MAPK10: variants seen among roughly 807,000 people sequenced by gnomAD.
The protein encoded by MAPK10 is mitogen-activated protein kinase 10, also known as JNK3 alpha protein kinase.
In MAPK10, 25 loss-of-function variants were observed where a neutral mutation model predicts 59.3. That is an observed-to-expected ratio of 0.42 (90% CI 0.31 to 0.59). The LOEUF is 0.59. Ranked by LOEUF, MAPK10 falls within the 20% of genes least tolerant of loss-of-function variation. MAPK10 has a pLI of 0.15. For missense variants in MAPK10, 351 were observed against 568.9 expected (o/e 0.62, Z 3.90); for synonymous variants, 190 against 200.5 (o/e 0.95, Z 0.44).
chr4:86,153,872 C>T (rs1310174303), intron 4 of MAPK10, among the ~76,000 whole-genome samples: 1 of 152,064 alleles, frequency 6.6e-6, no homozygotes, highest in East Asian at 1.9e-4. Flanking sequence ...TTTTGAAGCT[C>T]AGTGTTCCTT....
At chr4:86,448,301 TTCTC>T (rs148248874) in intron 1 of MAPK10, among the ~76,000 whole-genome samples, 8,847 of 152,058 alleles carry the variant, frequency 0.058, 355 homozygotes, top group African/African-American at 0.09. Context: ...TCCCTAAATT[TTCTC>T]TCTATTTTTT....
intron 2 of MAPK10, among the ~76,000 whole-genome samples, chr4:86,227,969 G>A (rs1236758171): frequency 2.0e-5 from 3 of 152,214 alleles, no homozygotes; most frequent in Non-Finnish European, 4.4e-5. Flanking sequence ...TGCACACCAT[G>A]CAGGGCCATG....
intron 1 of MAPK10, among the ~76,000 whole-genome samples, chr4:86,589,433 G>C (rs981267257): frequency 6.6e-5 from 10 of 152,128 alleles, no homozygotes; most frequent in Non-Finnish European, 2.9e-5. Context: ...TGTAATCCCA[G>C]CACTTTCGGA....
intron 9 of MAPK10, among the ~76,000 whole-genome samples, 193 bp from the exon 10 acceptor site, chr4:86,068,148 CTT>C (rs1459161726): frequency 2.0e-5 from 3 of 152,128 alleles, no homozygotes; most frequent in Non-Finnish European, 2.9e-5. Flanking sequence ...ACTTTTGAAA[CTT>C]ATATACTTTT....
At chr4:86,284,058 C>T (rs923423160) in intron 2 of MAPK10, among the ~76,000 whole-genome samples, 2 of 152,120 alleles carry the variant, frequency 1.3e-5, no homozygotes, top group African/African-American at 4.8e-5. Context: ...GAATCCTCCT[C>T]CTTTCTCTTT....
chr4:86,570,954 T>G (rs987719247), intron 1 of MAPK10, among the ~76,000 whole-genome samples: 19 of 152,050 alleles, frequency 1.2e-4, no homozygotes, highest in African/African-American at 4.6e-4. Flanking sequence ...AACTCCTAAC[T>G]TTATATCTCT....
chr4:86,582,896 T>C (rs981583698), intron 1 of MAPK10, among the ~76,000 whole-genome samples: 8 of 152,278 alleles, frequency 5.3e-5, no homozygotes, highest in Admixed American at 1.3e-4. Context: ...GTGATATAAA[T>C]AAAATTAACA....
chr4:86,045,391 T>G (rs2042312600), intron 11 of MAPK10, among the ~76,000 whole-genome samples: 1 of 152,132 alleles, frequency 6.6e-6, no homozygotes, highest in Admixed American at 6.6e-5. Flanking sequence ...CATATGATAT[T>G]ACTCATCTTT....
At chr4:86,414,907 G>A (rs1159759226) in intron 1 of MAPK10, among the ~76,000 whole-genome samples, 1 of 152,076 alleles carries the variant, frequency 6.6e-6, no homozygotes, top group Non-Finnish European at 1.5e-5. Flanking sequence ...GCCAGTCATT[G>A]CATTCCACCC....
intron 4 of MAPK10, 77 bp downstream of exon 4, chr4:86,159,221 G>T: frequency 8.8e-7 from 1 of 1,131,666 alleles, no homozygotes. Context: ...TGGGGATTTT[G>T]TTTGTTTGTG....
intron 2 of MAPK10, among the ~76,000 whole-genome samples, chr4:86,324,021 A>G (rs1398565679): frequency 6.6e-6 from 1 of 152,214 alleles, no homozygotes; most frequent in Non-Finnish European, 1.5e-5. Flanking sequence ...AAAACTGTAC[A>G]GCTTCTCTTT....
intron 13 of MAPK10, among the ~76,000 whole-genome samples, chr4:86,022,966 GTTTCT>G (rs960401350): frequency 4.6e-4 from 70 of 152,206 alleles, no homozygotes; most frequent in African/African-American, 1.4e-3. Context: ...TTTATCTGTT[GTTTCT>G]TTTATCACTT....
intron 2 of MAPK10, among the ~76,000 whole-genome samples, chr4:86,275,050 C>T (rs2094534353): frequency 1.3e-5 from 2 of 151,892 alleles, no homozygotes; most frequent in East Asian, 1.9e-4. Context: ...GTTGTCACTA[C>T]CAAAATAAAG....
chr4:86,302,430 T>G (rs1405498135), intron 2 of MAPK10, among the ~76,000 whole-genome samples: 1 of 152,190 alleles, frequency 6.6e-6, no homozygotes, highest in Non-Finnish European at 1.5e-5. Context: ...GCCAGACATT[T>G]GGCAACACCA....
intron 1 of MAPK10, among the ~76,000 whole-genome samples, chr4:86,475,396 C>T (rs1753000466): frequency 6.6e-6 from 1 of 152,152 alleles, no homozygotes; most frequent in Admixed American, 6.6e-5. Flanking sequence ...TCTTTTTACT[C>T]TCTTCTCCAA....
chr4:86,165,453 C>T (rs189072207), intron 3 of MAPK10, among the ~76,000 whole-genome samples: 2 of 150,184 alleles, frequency 1.3e-5, no homozygotes, highest in African/African-American at 4.9e-5. Context: ...TCATGGTTTG[C>T]TGCAGCCTTG....
chr4:86,193,961 C>T (rs577147991), intron 3 of MAPK10: 93 of 218,832 alleles, frequency 4.2e-4, no homozygotes, highest in Non-Finnish European at 7.2e-4. Context: ...CACCATTCCT[C>T]ATGGCACAGT....
At chr4:86,076,349 A>G (rs986994081) in intron 9 of MAPK10, among the ~76,000 whole-genome samples, 4 of 152,218 alleles carry the variant, frequency 2.6e-5, no homozygotes, top group South Asian at 4.2e-4. Context: ...GAAATCACCC[A>G]TCTTCTGCGT....
intron 9 of MAPK10, among the ~76,000 whole-genome samples, chr4:86,069,975 T>TGTTA (rs2047487603): frequency 6.6e-6 from 1 of 152,198 alleles, no homozygotes; most frequent in East Asian, 1.9e-4. Flanking sequence ...ATTTGTTAAA[T>TGTTA]AAGAATTGTT....
Sources: gnomAD v4.1 joint callset for allele counts (sites outside exome capture counted in the v4.1 genomes callset) on GRCh38, gnomAD v4.1.1 for gene constraint, MANE v1.5 for transcripts, NCBI Gene and HGNC (gene_info 2026-07-23, HGNC 2026-07-21) for gene names.